Variants in BLTP3A observed in about 807,000 individuals in gnomAD.
BLTP3A encodes bridge-like lipid transfer protein family member 3A, also known as ICBP90 binding protein 1.
chr6:34,844,055 A>G, the BLTP3A span, among the ~76,000 whole-genome samples: 1 of 151,198 alleles, frequency 6.6e-6, no homozygotes, highest in Non-Finnish European at 1.5e-5. Context: ...ATCTTTGCTT[A>G]CTGCAAGCTC....
the BLTP3A span, chr6:34,821,789 G>A: frequency 6.2e-7 from 1 of 1,614,120 alleles, no homozygotes; most frequent in African/African-American, 1.3e-5. Flanking sequence ...CATCACTCGG[G>A]TCTACTGCAA....
the BLTP3A span, among the ~76,000 whole-genome samples, chr6:34,815,032 A>G: frequency 6.6e-6 from 1 of 152,190 alleles, no homozygotes; most frequent in African/African-American, 2.4e-5. Context: ...AAACTGCTTC[A>G]TATCCGAACC....
chr6:34,824,426 C>T, the BLTP3A span, among the ~76,000 whole-genome samples: 7 of 151,074 alleles, frequency 4.6e-5, 1 homozygote, highest in East Asian at 1.0e-3. Flanking sequence ...GGCGTGGTGG[C>T]GGGCACCTGT....
chr6:34,824,407 A>T, the BLTP3A span, among the ~76,000 whole-genome samples: 1 of 151,534 alleles, frequency 6.6e-6, no homozygotes, highest in Non-Finnish European at 1.5e-5. Context: ...AAATAAAAAA[A>T]ATTAGCCGGG....
chr6:34,854,092 C>G, the BLTP3A span, among the ~76,000 whole-genome samples: 2 of 152,034 alleles, frequency 1.3e-5, no homozygotes, highest in Admixed American at 6.6e-5. Context: ...CATGGTGGCG[C>G]ATGCCTGTAA....
At chr6:34,872,455 A>G in the BLTP3A span, 12 of 1,602,268 alleles carry the variant, frequency 7.5e-6, no homozygotes, top group African/African-American at 1.3e-5. Context: ...TGGCTCAGCC[A>G]TCTGTGCCAA....
chr6:34,861,345 C>T, the BLTP3A span, among the ~76,000 whole-genome samples: 3 of 152,256 alleles, frequency 2.0e-5, no homozygotes, highest in South Asian at 6.2e-4. Flanking sequence ...AGGCTAGTCT[C>T]AAACTCTTGG....
the BLTP3A span, among the ~76,000 whole-genome samples, chr6:34,800,593 C>T: frequency 6.6e-6 from 1 of 152,012 alleles, no homozygotes; most frequent in Non-Finnish European, 1.5e-5. Context: ...TGGTTGTGAA[C>T]ACAGATATTA....
At chr6:34,838,717 G>GCCTTTCCAA in the BLTP3A span, among the ~76,000 whole-genome samples, 1 of 152,166 alleles carries the variant, frequency 6.6e-6, no homozygotes, top group Non-Finnish European at 1.5e-5. Flanking sequence ...GGCCAAGATG[G>GCCTTTCCAA]GCAGATTCCT....
the BLTP3A span, among the ~76,000 whole-genome samples, chr6:34,792,934 C>T: frequency 1.3e-5 from 2 of 152,242 alleles, no homozygotes; most frequent in African/African-American, 4.8e-5. Flanking sequence ...GCCCAGCACC[C>T]AGGGCCGTTC....
chr6:34,848,424 G>A, the BLTP3A span, among the ~76,000 whole-genome samples: 29 of 152,070 alleles, frequency 1.9e-4, no homozygotes, highest in Non-Finnish European at 3.7e-4. Context: ...TGGCTAACAT[G>A]GCAAAATCCT....
chr6:34,855,737 A>G, the BLTP3A span: 24 of 1,611,922 alleles, frequency 1.5e-5, no homozygotes, highest in Non-Finnish European at 1.9e-5. Flanking sequence ...CAATTCTCGC[A>G]TAGCCCAAAA....
chr6:34,822,189 G>A, the BLTP3A span, among the ~76,000 whole-genome samples: 8 of 151,812 alleles, frequency 5.3e-5, no homozygotes, highest in Non-Finnish European at 1.0e-4. Flanking sequence ...TTGTTTTCTC[G>A]GTTTTAGTGT....
chr6:34,867,273 A>G, the BLTP3A span: 1 of 1,614,112 alleles, frequency 6.2e-7, no homozygotes, highest in South Asian at 1.1e-5. Context: ...AATGTCTCAG[A>G]TAATGCTGGT....
chr6:34,874,558 G>A, the BLTP3A span: 1 of 152,156 alleles, frequency 6.6e-6, no homozygotes, highest in African/African-American at 2.4e-5. Context: ...ACCACAGAAG[G>A]GTTACTAATA....
the BLTP3A span, chr6:34,857,659 T>G: frequency 6.6e-7 from 1 of 1,511,356 alleles, no homozygotes. Context: ...ATAGTTAATA[T>G]TAGGTAGTAA....
At chr6:34,857,696 T>C in the BLTP3A span, 1 of 1,600,460 alleles carries the variant, frequency 6.2e-7, no homozygotes, top group African/African-American at 1.3e-5. Context: ...TTTTACAGGA[T>C]GTTTCTTTTC....
the BLTP3A span, among the ~76,000 whole-genome samples, chr6:34,806,671 C>T: frequency 1.8e-4 from 28 of 152,136 alleles, no homozygotes; most frequent in Non-Finnish European, 1.9e-4. Flanking sequence ...CTATTCTCCC[C>T]CCCTCCCCAA....
the BLTP3A span, among the ~76,000 whole-genome samples, chr6:34,848,660 A>G: frequency 6.6e-6 from 1 of 150,816 alleles, no homozygotes; most frequent in Non-Finnish European, 1.5e-5. Flanking sequence ...TTTAATTTGC[A>G]TGGAATACCT....
Sources: allele counts gnomAD v4.1 joint callset (sites outside exome capture counted in the v4.1 genomes callset), GRCh38; gene constraint gnomAD v4.1.1; transcripts MANE v1.5; gene names NCBI Gene and HGNC (gene_info 2026-07-23, HGNC 2026-07-21).